The following KREMEN1 variants were observed in gnomAD, a reference collection of about 807,000 sequenced individuals.
KREMEN1 encodes the protein kremen protein 1.
Under a neutral mutation model 46.5 loss-of-function variants are expected in KREMEN1, and 30 were observed. The observed-to-expected ratio is 0.65, with a 90% CI of 0.48 to 0.88. The LOEUF (loss-of-function observed/expected upper bound fraction) is 0.88, where lower values mean the gene tolerates loss of function less well. KREMEN1 is among the 40% of genes least tolerant of loss of function. KREMEN1 has a pLI of 0.00. For synonymous variants in KREMEN1, 214 were observed against 230.6 expected (o/e 0.93, Z 0.65); for missense variants, 533 against 596.9 (o/e 0.89, Z 1.11).
At chr22:29,113,333 T>C (rs1162426821) in intron 3 of KREMEN1, among the ~76,000 whole-genome samples, 2 of 152,258 alleles carry the variant, frequency 1.3e-5, no homozygotes, top group African/African-American at 4.8e-5. Context: ...CTGTATGCTA[T>C]ACAGATGTAA....
intron 4 of KREMEN1, chr22:29,125,057 C>G: frequency 1.8e-6 from 1 of 567,694 alleles, no homozygotes; most frequent in South Asian, 2.3e-5. Flanking sequence ...TGATGCTCGC[C>G]GACAGGGAAA....
chr22:29,123,936 A>G (rs1030852254), intron 4 of KREMEN1, among the ~76,000 whole-genome samples: 4 of 152,236 alleles, frequency 2.6e-5, no homozygotes, highest in African/African-American at 9.6e-5. Flanking sequence ...ACAAGTGCTG[A>G]CAAGGATACA....
chr22:29,149,316 C>T (rs912875834), downstream of KREMEN1, among the ~76,000 whole-genome samples: 3 of 152,174 alleles, frequency 2.0e-5, no homozygotes, highest in African/African-American at 7.2e-5. Flanking sequence ...GCACGTGCCA[C>T]CATGCCCAGC....
chr22:29,101,405 CTAAGGT>C (rs1322373762), intron 3 of KREMEN1, among the ~76,000 whole-genome samples: 1 of 151,900 alleles, frequency 6.6e-6, no homozygotes, highest in Non-Finnish European at 1.5e-5. Context: ...TTATAGTAAG[CTAAGGT>C]TAATTTATTA....
chr22:29,106,159 T>C (rs1259356668), intron 3 of KREMEN1, among the ~76,000 whole-genome samples: 1 of 152,216 alleles, frequency 6.6e-6, no homozygotes, highest in Non-Finnish European at 1.5e-5. Flanking sequence ...TGCTTTCTAG[T>C]ATGTTTCAGC....
chr22:29,110,264 G>A (rs570420732), intron 3 of KREMEN1, among the ~76,000 whole-genome samples: 90 of 152,286 alleles, frequency 5.9e-4, no homozygotes, highest in Middle Eastern at 6.8e-3. Context: ...CTCAACAGCA[G>A]GGTATTCAGA....
chr22:29,084,595 G>C (rs1420310082), intron 1 of KREMEN1, among the ~76,000 whole-genome samples: 2 of 152,116 alleles, frequency 1.3e-5, no homozygotes, highest in African/African-American at 4.8e-5. Context: ...GAAAAGAGTG[G>C]TACCCAAGCC....
chr22:29,136,261 C>T (rs1314173838), intron 5 of KREMEN1, among the ~76,000 whole-genome samples: 1 of 151,458 alleles, frequency 6.6e-6, no homozygotes, highest in African/African-American at 2.4e-5. Flanking sequence ...ACCAGAACTC[C>T]CCCAAAGCCT....
At chr22:29,137,003 G>A (rs1260233651) in intron 5 of KREMEN1, among the ~76,000 whole-genome samples, 1 of 152,170 alleles carries the variant, frequency 6.6e-6, no homozygotes. Context: ...CTCCAGCCTT[G>A]AAACTGAGAG....
At chr22:29,132,023 C>T (rs957245638) in intron 5 of KREMEN1, among the ~76,000 whole-genome samples, 1 of 151,534 alleles carries the variant, frequency 6.6e-6, no homozygotes, top group Non-Finnish European at 1.5e-5. Flanking sequence ...CAGGCATGCA[C>T]CACCACACAT....
chr22:29,102,229 G>A (rs2037988643), intron 3 of KREMEN1, among the ~76,000 whole-genome samples: 1 of 152,104 alleles, frequency 6.6e-6, no homozygotes, highest in Admixed American at 6.6e-5. Flanking sequence ...GGCCTCCAGG[G>A]GGAAAGGCAG....
chr22:29,081,445 TA>T (rs1342730865), intron 1 of KREMEN1, among the ~76,000 whole-genome samples: 1 of 152,224 alleles, frequency 6.6e-6, no homozygotes, highest in Admixed American at 6.5e-5. Context: ...ATACTTGTCT[TA>T]AAAAATTCTT....
chr22:29,121,510 G>A (rs1186523029), intron 4 of KREMEN1, 29 bp downstream of exon 4: 3 of 1,605,948 alleles, frequency 1.9e-6, no homozygotes, highest in Non-Finnish European at 2.6e-6. Flanking sequence ...TGTAACTATA[G>A]AAAAATATAA....
At chr22:29,153,969 C>CAA (rs132287) in intron 9 of KREMEN1, among the ~76,000 whole-genome samples, 1,934 of 140,416 alleles carry the variant, frequency 0.014, 40 homozygotes, top group African/African-American at 0.031. Flanking sequence ...GACTTCCTCT[C>CAA]AAAAAAAAAA....
In KREMEN1 at chr22:29,145,437, GC is replaced by G. The variant is rs5844838; in HGVS notation, c.*3327del. On this transcript the variant is annotated 3_prime_UTR_variant, in exon 9 of 9. Coordinates refer to ENST00000400335, the MANE Select transcript of KREMEN1 (RefSeq NM_001039570.3). Reference sequence around the variant, plus strand: ...GGAGGAGGCTGCACTGGGCCTGCGTGCCATCCTCACCCCTGTTCCCCGCTGG... The same window carrying G: ...GGAGGAGGCTGCACTGGGCCTGCGTGCATCCTCACCCCTGTTCCCCGCTGG... 0.093 allele frequency: 91,362 copies of G among 985,522 alleles called. 4,444 individuals are homozygous for G. Among genetic ancestry groups the G allele is most frequent in the Non-Finnish European group, 0.099 (82,254 of 830,054 alleles). The allele number at this position is 985,522 out of a possible 1,614,324, so 61.0% of individuals were successfully genotyped here.
At chr22:29,167,027 C>A in intron 9 of KREMEN1, 1 of 1,548,088 alleles carries the variant, frequency 6.5e-7, no homozygotes, top group Non-Finnish European at 8.7e-7. Flanking sequence ...CACTCATTGT[C>A]CTTCCTACCT....
intron 1 of KREMEN1, among the ~76,000 whole-genome samples, chr22:29,085,461 C>T (rs1271266082): frequency 2.6e-5 from 4 of 151,746 alleles, no homozygotes; most frequent in Non-Finnish European, 5.9e-5. Flanking sequence ...CATTATTACA[C>T]GTAGAAAAAA....
At position 29,144,727 on chromosome 22, in the gene KREMEN1, A is replaced by AG. The variant is rs766787504; in HGVS notation, c.*2616dup. The AG allele has an allele frequency of 9.1e-6, 9 of 985,412 alleles. No individual in the cohort carries two copies. Among genetic ancestry groups the AG allele is most frequent in the Non-Finnish European group, 1.1e-5 (9 of 829,986 alleles). 61.0% of individuals were successfully genotyped at this position (985,412 alleles called of 1,614,324 possible). A position where few individuals can be genotyped will look rare whatever the true frequency, so the allele number is the denominator to read the frequency against. ...GGAAGAGTTCACCCGGCCAGGGGGC[A>AG]GTTGTTCAGTTGCCTGGGGCTGACA... On this transcript the variant is annotated 3_prime_UTR_variant, in exon 9 of 9. Coordinates refer to ENST00000400335, the MANE Select transcript of KREMEN1 (RefSeq NM_001039570.3).
downstream of KREMEN1, among the ~76,000 whole-genome samples, chr22:29,147,142 T>C (rs1482582195): frequency 2.0e-5 from 3 of 152,214 alleles, no homozygotes; most frequent in African/African-American, 7.2e-5. Flanking sequence ...GTCCCTCGAC[T>C]ACTCAGCCTC....
Sources: gnomAD v4.1 joint callset for allele counts (sites outside exome capture counted in the v4.1 genomes callset) on GRCh38, gnomAD v4.1.1 for gene constraint, MANE v1.5 for transcripts, NCBI Gene and HGNC (gene_info 2026-07-23, HGNC 2026-07-21) for gene names.